BPTF: variants seen among roughly 807,000 people sequenced by gnomAD.
BPTF encodes nucleosome-remodeling factor subunit BPTF.
BPTF carries 18 observed loss-of-function variants against 292.5 expected under a neutral mutation model. The ratio of observed to expected loss-of-function variants is 0.06; its 90% CI spans 0.04 to 0.09. The LOEUF (loss-of-function observed/expected upper bound fraction) is 0.09. Ranked by LOEUF, BPTF falls within the 10% of genes least tolerant of loss-of-function variation. The pLI is 1.00. For synonymous variants in BPTF, 1,225 were observed against 1,251.9 expected, an observed-to-expected ratio of 0.98 and a Z score of 0.45; for missense variants, 2,726 against 3,498.7, an observed-to-expected ratio of 0.78 and a Z score of 5.57.
At chr17:67,841,343 A>C (rs1405326779) in intron 1 of BPTF, among the ~76,000 whole-genome samples, 1 of 152,154 alleles carries the variant, frequency 6.6e-6, no homozygotes, top group Non-Finnish European at 1.5e-5. Context: ...CAGGAGGCGG[A>C]GGTTGCAGTG....
chr17:67,850,969 A>G (rs1295465355), intron 1 of BPTF, among the ~76,000 whole-genome samples: 1 of 152,224 alleles, frequency 6.6e-6, no homozygotes, highest in Non-Finnish European at 1.5e-5. Flanking sequence ...AACAAATGAT[A>G]TAATAAGCAA....
At chr17:67,906,768 A>G (rs1568029157) in intron 9 of BPTF, among the ~76,000 whole-genome samples, 1 of 152,204 alleles carries the variant, frequency 6.6e-6, no homozygotes, top group Non-Finnish European at 1.5e-5. Context: ...CGACAGAATT[A>G]TGATTTCTTT....
intron 3 of BPTF, among the ~76,000 whole-genome samples, chr17:67,867,287 C>T (rs2059446995): frequency 6.6e-6 from 1 of 152,014 alleles, no homozygotes; most frequent in African/African-American, 2.4e-5. Context: ...TTTGGCATTC[C>T]AGTTTTTAAT....
At chr17:67,881,874 T>C (rs1041916181) in intron 4 of BPTF, among the ~76,000 whole-genome samples, 1 of 131,108 alleles carries the variant, frequency 7.6e-6, no homozygotes, top group Admixed American at 7.3e-5. Flanking sequence ...TTTTTTTTTT[T>C]TTTTTTTTTT....
intron 1 of BPTF, among the ~76,000 whole-genome samples, chr17:67,840,645 C>T (rs766641672): frequency 6.6e-6 from 1 of 152,034 alleles, no homozygotes; most frequent in African/African-American, 2.4e-5. Flanking sequence ...CGTCATTCCC[C>T]GCCTACCCAA....
chr17:67,886,367 T>TC, intron 4 of BPTF: 1 of 1,341,844 alleles, frequency 7.5e-7, no homozygotes, highest in Middle Eastern at 2.2e-4. Flanking sequence ...TTCTTTTTTT[T>TC]CTTTTTTTTG....
In BPTF at chr17:67,928,482, C is replaced by G. The variant is rs2064102524; in HGVS notation, c.5879C>G (p.Thr1960Ser). The G allele has an allele frequency of 6.2e-7, 1 of 1,614,156 alleles. No individual in the cohort carries two copies. Among genetic ancestry groups the G allele is most frequent in the Non-Finnish European group, 8.5e-7 (1 of 1,180,030 alleles). The change falls in exon 16 of 28, where the codon ACT becomes AGT. Residue 1960 changes from threonine to serine, a missense_variant. Thr to Ser is a moderately conservative substitution (Grantham distance 58, BLOSUM62 1). Around this residue, in one of 22 missense-constraint regions of BPTF, gnomAD observed 198 missense variants for 277.1 expected, o/e 0.71. Transcript: ENST00000306378. ...MVAPISGSVT[T>S]GTKMVLTTKV... ...GCCCCCATAAGTGGCTCAGTTACAA[C>G]TGGAACCAAAATGGTACTAACTACT...
At chr17:67,847,989 T>C (rs1330365508) in intron 1 of BPTF, among the ~76,000 whole-genome samples, 1 of 152,212 alleles carries the variant, frequency 6.6e-6, no homozygotes, top group Non-Finnish European at 1.5e-5. Context: ...TTATTAGTTC[T>C]GGAGTATTAA....
intron 23 of BPTF, among the ~76,000 whole-genome samples, chr17:67,954,410 G>A (rs1181169553): frequency 6.6e-6 from 1 of 152,038 alleles, no homozygotes; most frequent in African/African-American, 2.4e-5. Context: ...AGTGAGAGGA[G>A]TTTTGTTTTT....
intron 27 of BPTF, chr17:67,981,517 A>G: frequency 1.8e-6 from 2 of 1,136,848 alleles, no homozygotes; most frequent in South Asian, 3.7e-5. Flanking sequence ...GTACCTCGTG[A>G]TTACCTAATT....
rs771675585 is a variant in BPTF, at chr17:67,912,127, A to C, written c.4243A>C (p.Lys1415Gln). The C allele has an allele frequency of 3.1e-6, 5 of 1,610,718 alleles. No homozygotes were observed. Among genetic ancestry groups the C allele is most frequent in the Non-Finnish European group, 2.5e-6 (3 of 1,178,898 alleles). Reference protein sequence around the residue: ...FQINGKDNKPKIYLKGECLKE... With the variant: ...FQINGKDNKPQIYLKGECLKE... ...AATAAATGGAAAAGATAATAAACCCAAAATATATTTGAAAGGTGAATGCTT... is the reference window on the plus strand; with the variant it reads ...AATAAATGGAAAAGATAATAAACCCCAAATATATTTGAAAGGTGAATGCTT... Residue 1415 changes from lysine (K) to glutamine (Q), a missense_variant, in exon 11 of 28, where the codon AAA becomes CAA. By Grantham distance (53) the Lys-to-Gln change is moderately conservative. This residue lies in a region of BPTF where 713 missense variants were observed against 714.9 expected (regional missense o/e 1.00). Transcript: ENST00000306378.
intron 4 of BPTF, chr17:67,886,444 T>C (rs2060759195): frequency 1.7e-6 from 1 of 575,520 alleles, no homozygotes; most frequent in Non-Finnish European, 2.8e-6. Flanking sequence ...AATGAAAGTT[T>C]GGTGGGGGGT....
At chr17:67,966,426 C>G in intron 25 of BPTF, 146 bp from the exon 26 acceptor site, 1 of 629,946 alleles carries the variant, frequency 1.6e-6, no homozygotes, top group Non-Finnish European at 2.7e-6. Context: ...GTAACTATTA[C>G]TAGAGCAGAA....
intron 1 of BPTF, among the ~76,000 whole-genome samples, chr17:67,838,344 C>T (rs2057291708): frequency 6.6e-6 from 1 of 152,188 alleles, no homozygotes; most frequent in African/African-American, 2.4e-5. Flanking sequence ...TTCTGAAAAT[C>T]TAGTAAAACC....
intron 18 of BPTF, among the ~76,000 whole-genome samples, chr17:67,938,636 A>G (rs540883923): frequency 6.6e-6 from 1 of 152,324 alleles, no homozygotes; most frequent in Admixed American, 6.5e-5. Flanking sequence ...GGGAAAATAG[A>G]CTTCCGTGTT....
In BPTF at chr17:67,825,655, G is replaced by C. The variant is rs1167479081; in HGVS notation, c.-70G>C. On this transcript the variant is annotated 5_prime_UTR_variant, in exon 1 of 28. Transcript: ENST00000306378. ...GCGGGCCTCCCCACCCGGCCCCGGC[G>C]CTCCCCACCGCCCCCCCTGCGCCCG... 1 of 235,810 alleles carries C rather than the reference G, an allele frequency of 4.2e-6. No individual in the cohort carries two copies. Among genetic ancestry groups the C allele is most frequent in the African/African-American group, 2.7e-5 (1 of 37,512 alleles). The allele number at this position is 235,810 out of a possible 1,614,324, so 14.6% of individuals were successfully genotyped here. A position where few individuals can be genotyped will look rare whatever the true frequency, so the allele number is the denominator to read the frequency against.
At chr17:67,872,944 A>G (rs2059834103) in intron 3 of BPTF, among the ~76,000 whole-genome samples, 1 of 152,026 alleles carries the variant, frequency 6.6e-6, no homozygotes, top group Non-Finnish European at 1.5e-5. Flanking sequence ...AAAATTAGCC[A>G]GGCGTGGTGA....
At chr17:67,943,915 A>C (rs1049498501) in intron 19 of BPTF, among the ~76,000 whole-genome samples, 2 of 152,202 alleles carry the variant, frequency 1.3e-5, no homozygotes, top group Non-Finnish European at 2.9e-5. Flanking sequence ...GCTTGTGGAC[A>C]GATAACTGGC....
intron 21 of BPTF, among the ~76,000 whole-genome samples, chr17:67,947,465 G>C (rs2065897787): frequency 6.6e-6 from 1 of 152,124 alleles, no homozygotes; most frequent in Non-Finnish European, 1.5e-5. Flanking sequence ...TCAGTATCTT[G>C]TTTATAAAAT....
Sources: allele counts gnomAD v4.1 joint callset (sites outside exome capture counted in the v4.1 genomes callset), GRCh38; gene constraint gnomAD v4.1.1; regional missense constraint gnomAD v4.1.1; transcripts MANE v1.5; gene names NCBI Gene and HGNC (gene_info 2026-07-23, HGNC 2026-07-21).